Variants in GALNT15 observed in about 807,000 individuals in gnomAD.
GALNT15 encodes the protein polypeptide N-acetylgalactosaminyltransferase 15, also known as UDP-GalNAc transferase T15.
In GALNT15, 67 loss-of-function variants were observed where a neutral mutation model predicts 66.8. The ratio of observed to expected loss-of-function variants is 1.00; its 90% CI spans 0.82 to 1.23. The LOEUF (loss-of-function observed/expected upper bound fraction) is 1.23, where lower values mean the gene tolerates loss of function less well. Ranked by LOEUF, GALNT15 falls within the 50% of genes most tolerant of loss-of-function variation. The pLI, the probability that GALNT15 is intolerant of heterozygous loss-of-function variation, is 0.00. For missense variants in GALNT15, 827 were observed against 804.3 expected (o/e 1.03, Z -0.34); for synonymous variants, 313 against 311.5 (o/e 1.00, Z -0.05).
In GALNT15 at chr3:16,223,679, G is replaced by A. The variant is rs568926928; in HGVS notation, c.1773+921G>A. ...GGCAGGACTCAAGGGGCCCACACAT[G>A]CTCAAAGAAGTCTTTTTTTTTTTTT... is the stretch of plus-strand genomic sequence containing the variant. On this transcript the variant is annotated intron_variant, in intron 9 of 9. Coordinates refer to ENST00000339732, the MANE Select transcript of GALNT15 (RefSeq NM_054110.5). Among the ~76,000 whole-genome samples, 13 of 149,666 alleles carry A rather than the reference G, an allele frequency of 8.7e-5. No homozygotes were observed. The South Asian group carries it at 2.7e-3, about 31-fold the overall frequency.
chr3:16,220,172 A>T (rs1270155258), intron 8 of GALNT15, 158 bp downstream of exon 8: 2 of 644,528 alleles, frequency 3.1e-6, no homozygotes, highest in African/African-American at 3.6e-5. Context: ...GACTCATCAC[A>T]GCTCTCCTCA....
At chr3:16,214,538 G>C (rs561170744) in intron 6 of GALNT15, among the ~76,000 whole-genome samples, 1 of 152,250 alleles carries the variant, frequency 6.6e-6, no homozygotes, top group Admixed American at 6.5e-5. Flanking sequence ...CATCGTTATT[G>C]TCATGGCTAC....
chr3:16,201,384 T>C (rs910788354), intron 3 of GALNT15, among the ~76,000 whole-genome samples: 1 of 150,712 alleles, frequency 6.6e-6, no homozygotes, highest in Non-Finnish European at 1.5e-5. Context: ...GGTTTCACCG[T>C]GTTAGCCAGG....
At chr3:16,247,752 C>T in the GALNT15 span, among the ~76,000 whole-genome samples, 6 of 152,168 alleles carry the variant, frequency 3.9e-5, no homozygotes, top group African/African-American at 1.4e-4. Flanking sequence ...CCTCACCATC[C>T]CCTTGACCTC....
chr3:16,215,916 A>AAACAAAAAAAAAAACAAAAAAAC (rs1019009823), intron 6 of GALNT15, among the ~76,000 whole-genome samples: 2 of 143,454 alleles, frequency 1.4e-5, no homozygotes, highest in Non-Finnish European at 3.0e-5. Context: ...CAAAAAAAAA[A>AAACAAAAAAAAAAACAAAAAAAC]AAAAAAAAAG....
chr3:16,225,406 T>A lies in GALNT15; in HGVS notation c.1774-1948T>A, dbSNP rs1098881. On this transcript the variant is annotated intron_variant, in intron 9 of 9. Coordinates refer to ENST00000339732, the MANE Select transcript of GALNT15 (RefSeq NM_054110.5). The surrounding 1 kb of genome is among the most constrained non-coding windows in gnomAD (Gnocchi z 4.4). ...CTATGTGTTTTTATCACAATTTTTTTAAAAAAGAGGCCAGGCTCAATGGCT... is the reference window on the plus strand; with the variant it reads ...CTATGTGTTTTTATCACAATTTTTTAAAAAAAGAGGCCAGGCTCAATGGCT... Among the ~76,000 whole-genome samples, 143,456 of 152,284 alleles carry A rather than the reference T, an allele frequency of 0.94. 67,596 individuals are homozygous for A. Among genetic ancestry groups the A allele is most frequent in the East Asian group, 1 (5,168 of 5,178 alleles).
rs141013059 is a variant in GALNT15 at position 16,225,327 on chromosome 3, T to A, written c.1774-2027T>A. Among the ~76,000 whole-genome samples, 581 of 152,330 alleles carry A rather than the reference T, an allele frequency of 3.8e-3. 4 individuals are homozygous for A. Among genetic ancestry groups the A allele is most frequent in the African/African-American group, 0.013 (540 of 41,570 alleles). ...ATTTAGGGAGGACCAACATCCAAAC[T>A]ATATCAACTACTAAACTTTACACTT... On this transcript the variant is annotated intron_variant, in intron 9 of 9. Coordinates refer to ENST00000339732, the MANE Select transcript of GALNT15 (RefSeq NM_054110.5). This position sits in a 1 kb window ranked among gnomAD's most constrained non-coding sequence, Gnocchi z 4.4.
At chr3:16,177,852 AGT>A (rs2063427097) in intron 1 of GALNT15, among the ~76,000 whole-genome samples, 2 of 152,226 alleles carry the variant, frequency 1.3e-5, no homozygotes. Context: ...TATATGTACA[AGT>A]GTGTTGTGTT....
intron 1 of GALNT15, among the ~76,000 whole-genome samples, chr3:16,178,490 G>T (rs1220127471): frequency 6.6e-6 from 1 of 152,196 alleles, no homozygotes; most frequent in Non-Finnish European, 1.5e-5. Context: ...ACGGCCGCCA[G>T]CTTTGTGCGG....
chr3:16,183,361 G>A lies in GALNT15; in HGVS notation c.539+7671G>A, dbSNP rs2063488276. On this transcript the variant is annotated intron_variant, in intron 1 of 9. Coordinates refer to ENST00000339732, the MANE Select transcript of GALNT15 (RefSeq NM_054110.5). This position sits in a 1 kb window ranked among gnomAD's most constrained non-coding sequence, Gnocchi z 5.2. ...CTGTGTCCCAGCCCTAGCAGCCTCAGGCCTGGCCTAGAAGTTGGTATGGTG... is the reference window on the plus strand; with the variant it reads ...CTGTGTCCCAGCCCTAGCAGCCTCAAGCCTGGCCTAGAAGTTGGTATGGTG... The A allele has an allele frequency of 1.3e-5, 2 of 152,204 alleles. No individual in the cohort carries two copies. The highest frequency in any genetic ancestry group is 4.8e-5 in the African/African-American group (2 of 41,442). The allele number at this position is 152,204 out of a possible 1,614,324, so 9.4% of individuals were successfully genotyped here. A position where few individuals can be genotyped will look rare whatever the true frequency, so the allele number is the denominator to read the frequency against.
rs751554160 is a variant in GALNT15 at position 16,188,311 on chromosome 3, C to T, written c.540-7449C>T. ...TTGGCACAAAATGGCAGCCATAGGT[C>T]GTGTCCCATCACAGACATGTTTGTT... On this transcript the variant is annotated intron_variant, in intron 1 of 9. Transcript: ENST00000339732. The surrounding 1 kb of genome is among the most constrained non-coding windows in gnomAD (Gnocchi z 4.6). Among the ~76,000 whole-genome samples the T allele has an allele frequency of 6.6e-6, 1 of 152,190 alleles. No individual in the cohort carries two copies. The highest frequency in any genetic ancestry group is 1.5e-5 in the Non-Finnish European group (1 of 68,046).
rs202001114 is a variant in GALNT15, at chr3:16,228,575, AG to A, written c.*1077del. On this transcript the variant is annotated 3_prime_UTR_variant, in exon 10 of 10. Transcript: ENST00000339732. Reference sequence around the variant, plus strand: ...AGAATCGCTTGAACCCAGGAGGCAGAGGTTGCAGTGAGCTGAGATCATGCCA... The same window carrying A: ...AGAATCGCTTGAACCCAGGAGGCAGAGTTGCAGTGAGCTGAGATCATGCCA... The A allele has an allele frequency of 0.03, 24,661 of 834,798 alleles. 818 individuals carry two copies. The highest frequency in any genetic ancestry group is 0.15 in the African/African-American group (8,138 of 53,876). 51.7% of individuals were successfully genotyped at this position (834,798 alleles called of 1,614,324 possible).
At position 16,227,019 on chromosome 3, in the gene GALNT15, AC is replaced by A. The variant is rs2064027457; in HGVS notation, c.1774-334del. ...TAAATCGTTTTGAAAGCAGAAATTT[AC>A]AACTACAGTGATAACAATGAATGTC... On this transcript the variant is annotated intron_variant, in intron 9 of 9. Coordinates refer to ENST00000339732, the MANE Select transcript of GALNT15 (RefSeq NM_054110.5). The surrounding 1 kb of genome is among the most constrained non-coding windows in gnomAD (Gnocchi z 4.5). Among the ~76,000 whole-genome samples, 5 of 152,238 alleles carry A rather than the reference AC, an allele frequency of 3.3e-5. No homozygotes were observed. The highest frequency in any genetic ancestry group is 3.3e-4 in the Admixed American group (5 of 15,280).
Position 16,203,253 on chromosome 3 carries a change from A to G in GALNT15, c.911+2430A>G, listed in dbSNP as rs1018588926. Among the ~76,000 whole-genome samples the G allele has an allele frequency of 6.6e-6, 1 of 152,094 alleles. No homozygotes were observed. The highest frequency in any genetic ancestry group is 1.5e-5 in the Non-Finnish European group (1 of 68,022). On this transcript the variant is annotated intron_variant, in intron 3 of 9. Coordinates refer to ENST00000339732, the MANE Select transcript of GALNT15 (RefSeq NM_054110.5). The surrounding 1 kb of genome is among the most constrained non-coding windows in gnomAD (Gnocchi z 6.2). ...ATCCCTAACCCCACAACTGGTTATG[A>G]GACATGTGTTACCTGCTGCTGTGAG...
At chr3:16,232,469 A>AATTATATATAT (rs2064092112), downstream of GALNT15, among the ~76,000 whole-genome samples, 5 of 38,742 alleles carry the variant, frequency 1.3e-4, no homozygotes, top group Non-Finnish European at 2.2e-4. Context: ...TAAATAAATA[A>AATTATATATAT]ATATATATAT....
chr3:16,201,398 G>T (rs535151815), intron 3 of GALNT15, among the ~76,000 whole-genome samples: 1 of 152,110 alleles, frequency 6.6e-6, no homozygotes, highest in Non-Finnish European at 1.5e-5. Context: ...AGCCAGGATG[G>T]TCTCGATCTC....
chr3:16,192,288 CCA>C (rs1291193877), intron 1 of GALNT15, among the ~76,000 whole-genome samples: 1 of 152,176 alleles, frequency 6.6e-6, no homozygotes, highest in Non-Finnish European at 1.5e-5. Flanking sequence ...GAGAAAGGAG[CCA>C]GGCATGGCTG....
chr3:16,185,968 A>G (rs2063512976), intron 1 of GALNT15, among the ~76,000 whole-genome samples: 2 of 152,180 alleles, frequency 1.3e-5, no homozygotes, highest in Admixed American at 1.3e-4. Flanking sequence ...TATTTTTAAA[A>G]CTTTGGTGCT....
chr3:16,211,318 T>G lies in GALNT15; in HGVS notation c.1197+77T>G. 2.2e-6 allele frequency: 2 copies of G among 912,134 alleles called. No homozygotes were observed. The highest frequency in any genetic ancestry group is 3.6e-6 in the Non-Finnish European group (2 of 552,352). 56.5% of individuals were successfully genotyped at this position (912,134 alleles called of 1,614,324 possible). A position where few individuals can be genotyped will look rare whatever the true frequency, so the allele number is the denominator to read the frequency against. On this transcript the variant is annotated intron_variant, in intron 5 of 9. Transcript: ENST00000339732. The surrounding 1 kb of genome is among the most constrained non-coding windows in gnomAD (Gnocchi z 4.3). ...ATGGTCACAGCTCAGAGGCAGGCAT[T>G]AGAAATGTCACTGGGAAGGAATGAG...
Sources: allele counts gnomAD v4.1 joint callset (sites outside exome capture counted in the v4.1 genomes callset), GRCh38; gene constraint gnomAD v4.1.1; non-coding constraint Gnocchi (gnomAD v3.1); transcripts MANE v1.5; gene names NCBI Gene and HGNC (gene_info 2026-07-23, HGNC 2026-07-21).